KCNH7: variants seen among roughly 807,000 people sequenced by gnomAD.
KCNH7 encodes the protein potassium voltage-gated channel subfamily H member 7.
A neutral mutation model predicts 120.8 loss-of-function variants in KCNH7; 49 were observed. That is an observed-to-expected ratio of 0.41 (90% CI 0.32 to 0.51). The LOEUF is 0.51. KCNH7 is among the 20% of genes least tolerant of loss of function. The pLI, the probability that KCNH7 is intolerant of heterozygous loss-of-function variation, is 0.38. For missense variants in KCNH7, 1,097 were observed against 1,446.6 expected, an observed-to-expected ratio of 0.76 and a Z score of 3.92; for synonymous variants, 547 against 516.1, an observed-to-expected ratio of 1.06 and a Z score of -0.81.
chr2:162,468,565 G>A (rs1689387055), intron 6 of KCNH7, among the ~76,000 whole-genome samples: 1 of 131,586 alleles, frequency 7.6e-6, no homozygotes, highest in Admixed American at 8.0e-5. Context: ...CTGTTGCCCA[G>A]GATGGAGTGC....
chr2:162,546,562 A>G (rs540360989), intron 2 of KCNH7, among the ~76,000 whole-genome samples: 15 of 152,278 alleles, frequency 9.9e-5, no homozygotes, highest in African/African-American at 3.1e-4. Flanking sequence ...TCCTGGGGAC[A>G]GCCACCCCGT....
chr2:162,385,177 A>G (rs887018583), intron 12 of KCNH7, among the ~76,000 whole-genome samples: 7 of 151,974 alleles, frequency 4.6e-5, no homozygotes, highest in Non-Finnish European at 8.8e-5. Flanking sequence ...GTCTCAGACG[A>G]AAACTATGAT....
At chr2:162,586,894 A>G (rs1173432626) in intron 2 of KCNH7, among the ~76,000 whole-genome samples, 1 of 151,820 alleles carries the variant, frequency 6.6e-6, no homozygotes, top group Non-Finnish European at 1.5e-5. Context: ...CCTTTTTTGC[A>G]TGCTTCTATC....
intron 2 of KCNH7, among the ~76,000 whole-genome samples, chr2:162,610,517 A>G (rs1351992830): frequency 6.6e-6 from 1 of 152,260 alleles, no homozygotes. Flanking sequence ...ATTTCTGAAG[A>G]CAAAGATTCT....
At chr2:162,830,136 G>A (rs998105998) in intron 2 of KCNH7, among the ~76,000 whole-genome samples, 1 of 152,130 alleles carries the variant, frequency 6.6e-6, no homozygotes, top group Admixed American at 6.6e-5. Flanking sequence ...GGATTTCACA[G>A]AGAAGTCTTT....
At chr2:162,565,511 G>A (rs1429865561) in intron 2 of KCNH7, among the ~76,000 whole-genome samples, 3 of 151,816 alleles carry the variant, frequency 2.0e-5, no homozygotes, top group Non-Finnish European at 4.4e-5. Context: ...TTTACTGAAT[G>A]GTAAAATAAG....
At chr2:162,772,021 T>C (rs1574368306) in intron 2 of KCNH7, 1 of 152,172 alleles carries the variant, frequency 6.6e-6, no homozygotes, top group African/African-American at 2.4e-5. Flanking sequence ...CAGAAAAGTA[T>C]AAAGATAAGA....
intron 2 of KCNH7, among the ~76,000 whole-genome samples, chr2:162,678,180 A>T (rs1685590821): frequency 6.6e-6 from 1 of 151,344 alleles, no homozygotes; most frequent in Non-Finnish European, 1.5e-5. Context: ...AGATCACATG[A>T]TGGCTGAGAA....
intron 2 of KCNH7, among the ~76,000 whole-genome samples, chr2:162,782,346 A>G (rs934067362): frequency 3.3e-5 from 5 of 152,226 alleles, no homozygotes; most frequent in Admixed American, 2.6e-4. Flanking sequence ...TTTAAATAAA[A>G]TTGTCATGAA....
intron 2 of KCNH7, among the ~76,000 whole-genome samples, chr2:162,656,204 C>T (rs557900107): frequency 7.7e-4 from 117 of 152,262 alleles, no homozygotes; most frequent in African/African-American, 2.7e-3. Context: ...AACATGATGC[C>T]TGTTTTTCTA....
At chr2:162,682,122 T>A (rs1483756817) in intron 2 of KCNH7, among the ~76,000 whole-genome samples, 1 of 151,702 alleles carries the variant, frequency 6.6e-6, no homozygotes, top group African/African-American at 2.4e-5. Context: ...ATGCAGTACC[T>A]ACTCCAATGC....
chr2:162,751,775 A>G (rs1298777747), intron 2 of KCNH7, among the ~76,000 whole-genome samples: 2 of 150,952 alleles, frequency 1.3e-5, no homozygotes, highest in African/African-American at 2.4e-5. Flanking sequence ...AAAGCATTTT[A>G]TATTCTAACT....
intron 2 of KCNH7, among the ~76,000 whole-genome samples, chr2:162,581,694 G>A (rs528839222): frequency 1.3e-5 from 2 of 152,182 alleles, no homozygotes; most frequent in Admixed American, 6.5e-5. Context: ...TAGACTGACT[G>A]AAAATTAATA....
At chr2:162,803,611 T>A (rs575636869) in intron 2 of KCNH7, among the ~76,000 whole-genome samples, 51 of 151,792 alleles carry the variant, frequency 3.4e-4, no homozygotes, top group Non-Finnish European at 5.5e-4. Context: ...AAGTCATTAT[T>A]CATAGGCTAA....
intron 2 of KCNH7, among the ~76,000 whole-genome samples, chr2:162,761,785 G>C (rs1207225738): frequency 6.6e-6 from 1 of 152,098 alleles, no homozygotes; most frequent in Non-Finnish European, 1.5e-5. Context: ...GAGAAGCACA[G>C]ATGAGGGATT....
At chr2:162,595,325 C>G (rs1433987263) in intron 2 of KCNH7, among the ~76,000 whole-genome samples, 1 of 151,762 alleles carries the variant, frequency 6.6e-6, no homozygotes, top group Non-Finnish European at 1.5e-5. Context: ...GTAAACTGCC[C>G]CCATAATACA....
At chr2:162,641,271 A>G (rs555716948) in intron 2 of KCNH7, among the ~76,000 whole-genome samples, 7 of 152,360 alleles carry the variant, frequency 4.6e-5, no homozygotes, top group Admixed American at 3.9e-4. Context: ...CCTTCAACAG[A>G]TGAACAGTTA....
intron 2 of KCNH7, among the ~76,000 whole-genome samples, chr2:162,804,564 A>G (rs1684466330): frequency 6.6e-6 from 1 of 152,072 alleles, no homozygotes; most frequent in Admixed American, 6.6e-5. Flanking sequence ...CTGTACAAGT[A>G]GAACTACAAA....
At chr2:162,406,638 G>A (rs1182571416) in intron 9 of KCNH7, among the ~76,000 whole-genome samples, 4 of 152,028 alleles carry the variant, frequency 2.6e-5, no homozygotes, top group South Asian at 4.1e-4. Context: ...TTATCAAATA[G>A]ATGAGTAATA....
Sources: gnomAD v4.1 joint callset for allele counts (sites outside exome capture counted in the v4.1 genomes callset) on GRCh38, gnomAD v4.1.1 for gene constraint, MANE v1.5 for transcripts, NCBI Gene and HGNC (gene_info 2026-07-23, HGNC 2026-07-21) for gene names.